Variants in PKD1L1 observed in about 807,000 individuals in gnomAD.
PKD1L1 encodes polycystin-1-like protein 1.
PKD1L1 carries 236 observed loss-of-function variants against 323.4 expected under a neutral mutation model. That is an observed-to-expected ratio of 0.73 (90% CI 0.66 to 0.81). PKD1L1 has a LOEUF of 0.81. Among genes scored for constraint, PKD1L1 ranks in the 40% least tolerant of loss-of-function variants. The pLI is 0.00. For missense variants in PKD1L1, 3,320 were observed against 3,508.0 expected (o/e 0.95, Z 1.35); for synonymous variants, 1,344 against 1,335.0 (o/e 1.01, Z -0.15).
intron 13 of PKD1L1, among the ~76,000 whole-genome samples, chr7:47,900,468 T>TG (rs1787062049): frequency 6.6e-6 from 1 of 152,222 alleles, no homozygotes; most frequent in Non-Finnish European, 1.5e-5. Context: ...TGGCCAGGCA[T>TG]GGTGGCTCAT....
chr7:47,946,097 C>T lies in PKD1L1; in HGVS notation c.44+2300G>A, dbSNP rs149674763. Among the ~76,000 whole-genome samples the T allele has an allele frequency of 1.3e-5, 2 of 152,126 alleles. No homozygotes were observed. The highest frequency in any genetic ancestry group is 4.8e-5 in the African/African-American group (2 of 41,416). On this transcript the variant is annotated intron_variant, in intron 1 of 56. Coordinates refer to ENST00000289672, the MANE Select transcript of PKD1L1 (RefSeq NM_138295.5). The surrounding 1 kb of genome is among the most constrained non-coding windows in gnomAD (Gnocchi z 4.1). ...TGTTGTGAGGAGGCAGGTCCCCAGGCCCTGGCACAGAATCAGCACCATTTT... is the reference window on the plus strand; with the variant it reads ...TGTTGTGAGGAGGCAGGTCCCCAGGTCCTGGCACAGAATCAGCACCATTTT...
intron 17 of PKD1L1, among the ~76,000 whole-genome samples, chr7:47,887,147 G>A (rs1021842094): frequency 6.6e-6 from 1 of 152,218 alleles, no homozygotes; most frequent in Admixed American, 6.5e-5. Context: ...CTCTTGCCAA[G>A]AAGGGCACAA....
chr7:47,826,498 T>G (rs947323136), intron 45 of PKD1L1, among the ~76,000 whole-genome samples: 1 of 152,140 alleles, frequency 6.6e-6, no homozygotes, highest in Non-Finnish European at 1.5e-5. Flanking sequence ...AAGCTAATGG[T>G]GTGCCACACT....
rs540341452 is a variant in PKD1L1, at chr7:47,865,234, G to A, written c.4131C>T (p.Leu1377=). 42 of 1,613,304 alleles carry A rather than the reference G, an allele frequency of 2.6e-5. No homozygotes were observed. In the African/African-American group the frequency reaches 3.2e-4, roughly 12 times the overall value. Reference sequence around the variant, plus strand: ...CACTTACCTTATTAGAGAAGCTCACGAGGTCCCTCAACATAAGAACAGAAC... The same window carrying A: ...CACTTACCTTATTAGAGAAGCTCACAAGGTCCCTCAACATAAGAACAGAAC... ...MIGSVLMLRD[L]VSFSNKLGFM... Residue 1377 remains leucine (L), a synonymous_variant, in exon 26 of 57, where the codon CTC becomes CTT. Transcript: ENST00000289672.
rs545803917 is a variant in PKD1L1 at position 47,793,551 on chromosome 7, T to C, written c.8356-754A>G. Among the ~76,000 whole-genome samples the C allele has an allele frequency of 4.6e-5, 7 of 152,340 alleles. No individual in the cohort carries two copies. In the East Asian group the frequency reaches 1.3e-3, roughly 29 times the overall value. ...TGATTCTGAGGCCTCCCCAGCCATG[T>C]GGAACTGTAAGTCCAATTAAATATC... On this transcript the variant is annotated intron_variant, in intron 55 of 56. Transcript: ENST00000289672.
chr7:47,931,124 A>G lies in PKD1L1; in HGVS notation c.717T>C (p.His239=). 6.2e-7 allele frequency: 1 copy of G among 1,614,024 alleles called. No individual in the cohort carries two copies. Among genetic ancestry groups the G allele is most frequent in the Non-Finnish European group, 8.5e-7 (1 of 1,179,940 alleles). Residue 239 remains histidine (H), a synonymous_variant, in exon 6 of 57, where the codon CAT becomes CAC. Transcript: ENST00000289672. ...CGTACCTTCTGGGAGAAGTGGGAAA[A>G]TGTGAAATCGGCCACAGGGGCACTC... ...SQRVPLWPIS[H]FPTSPRSSHG... is the part of the protein sequence containing the mutation.
In PKD1L1 at chr7:47,857,605, C is replaced by T; in HGVS notation, c.4590G>A (p.Gln1530=). Residue 1530 remains glutamine (Q), a splice_region_variant and synonymous_variant, in exon 28 of 57, where the codon CAG becomes CAA. Coordinates refer to ENST00000289672, the MANE Select transcript of PKD1L1 (RefSeq NM_138295.5). ...NPYPGSQAPG[Q]IGGVVGLNLY... The stretch of plus-strand genomic sequence containing the variant: ...TGGCAGGTCATCTGTCAGCTTGTAC[C>T]TGCCCAGGAGCTTGGCTCCCTGGAT... 2.5e-6 allele frequency: 4 copies of T among 1,613,056 alleles called. No individual in the cohort carries two copies. Among genetic ancestry groups the T allele is most frequent in the Non-Finnish European group, 3.4e-6 (4 of 1,179,162 alleles).
Position 47,829,511 on chromosome 7 carries a change from C to A in PKD1L1, c.6649G>T (p.Asp2217Tyr). 3 of 1,614,130 alleles carry A rather than the reference C, an allele frequency of 1.9e-6. No individual in the cohort carries two copies. The highest frequency in any genetic ancestry group is 2.5e-6 in the Non-Finnish European group (3 of 1,180,020). ...ESLCEATRDL[D>Y]SELAERSWTR... ...CAGGAACGTTCTGCCAATTCAGAGTCCAGATCCCTGGTAGCCTCACATAAA... is the reference window on the plus strand; with the variant it reads ...CAGGAACGTTCTGCCAATTCAGAGTACAGATCCCTGGTAGCCTCACATAAA... The change falls in exon 44 of 57, where the codon GAC becomes TAC. Residue 2217 changes from aspartate to tyrosine, a missense_variant. Asp to Tyr is a radical substitution (Grantham distance 160). Transcript: ENST00000289672.
At chr7:47,876,642 G>T (rs1417805214) in intron 22 of PKD1L1, among the ~76,000 whole-genome samples, 2 of 152,140 alleles carry the variant, frequency 1.3e-5, no homozygotes, top group Non-Finnish European at 2.9e-5. Context: ...TGGAGGACAA[G>T]GGTGGGGCTT....
chr7:47,868,758 C>T (rs981150702), intron 24 of PKD1L1, among the ~76,000 whole-genome samples: 2 of 152,144 alleles, frequency 1.3e-5, no homozygotes, highest in African/African-American at 4.8e-5. Context: ...GCCTGTAATA[C>T]CAGCTACTTC....
At chr7:47,949,431 T>C (rs920372102), upstream of PKD1L1, among the ~76,000 whole-genome samples, 2 of 139,098 alleles carry the variant, frequency 1.4e-5, no homozygotes, top group Non-Finnish European at 3.0e-5. Context: ...ACAGGATACC[T>C]TCCACAAGAG....
intron 55 of PKD1L1, 84 bp downstream of exon 55, chr7:47,795,905 A>G: frequency 6.7e-7 from 1 of 1,483,366 alleles, no homozygotes; most frequent in Non-Finnish European, 9.2e-7. Flanking sequence ...TCATGCTTTG[A>G]TAACTGAAAG....
At chr7:47,907,759 C>T (rs1207262039) in intron 9 of PKD1L1, among the ~76,000 whole-genome samples, 1 of 152,182 alleles carries the variant, frequency 6.6e-6, no homozygotes, top group African/African-American at 2.4e-5. Flanking sequence ...GTTCCTATCT[C>T]CTAAAATCTC....
chr7:47,791,204 T>C (rs566220960), intron 56 of PKD1L1, among the ~76,000 whole-genome samples: 1 of 152,332 alleles, frequency 6.6e-6, no homozygotes, highest in South Asian at 2.1e-4. Flanking sequence ...TAATTATAGA[T>C]ACCCTTTCCG....
chr7:47,877,750 C>T (rs1212747195), intron 21 of PKD1L1, 119 bp from the exon 22 acceptor site: 4 of 1,158,876 alleles, frequency 3.5e-6, no homozygotes, highest in African/African-American at 1.6e-5. Context: ...CCCAGACCAG[C>T]AGCATCGGAC....
chr7:47,853,517 C>T (rs1464000357), intron 30 of PKD1L1, among the ~76,000 whole-genome samples: 5 of 151,994 alleles, frequency 3.3e-5, no homozygotes, highest in South Asian at 2.1e-4. Context: ...CCGAGATGGG[C>T]GGACCACCTG....
rs970974204 is a variant in PKD1L1 at position 47,862,020 on chromosome 7, C to T, written c.4150-3135G>A. 1.7e-3 allele frequency among the ~76,000 whole-genome samples: 253 copies of T among 150,854 alleles called. 1 individual carries two copies. Among genetic ancestry groups the T allele is most frequent in the African/African-American group, 5.8e-3 (238 of 41,040 alleles). On this transcript the variant is annotated intron_variant, in intron 26 of 56. Transcript: ENST00000289672. ...GACCAGCCTGACCAACAAGGTGAAA[C>T]CCTGTCTCTATTAAAAATACAAAAA...
At chr7:47,878,996 G>A (rs1430650696) in intron 21 of PKD1L1, among the ~76,000 whole-genome samples, 2 of 152,192 alleles carry the variant, frequency 1.3e-5, no homozygotes, top group Admixed American at 6.5e-5. Context: ...TGTCACTTGG[G>A]CAAATTTCAG....
intron 13 of PKD1L1, 67 bp from the exon 14 acceptor site, chr7:47,898,261 T>C (rs529093549): frequency 1.5e-6 from 2 of 1,309,584 alleles, no homozygotes; most frequent in Admixed American, 2.0e-5. Flanking sequence ...GGTAAATTAC[T>C]AGAAACTTAG....
Sources: gnomAD v4.1 joint callset for allele counts (sites outside exome capture counted in the v4.1 genomes callset) on GRCh38, gnomAD v4.1.1 for gene constraint, Gnocchi (gnomAD v3.1) non-coding constraint, MANE v1.5 for transcripts, NCBI Gene and HGNC (gene_info 2026-07-23, HGNC 2026-07-21) for gene names.